KANK1: variants seen among roughly 807,000 people sequenced by gnomAD.
KANK1 encodes KN motif and ankyrin repeat domain-containing protein 1.
In KANK1, 109 loss-of-function variants were observed where a neutral mutation model predicts 106.2. That is an observed-to-expected ratio of 1.03 (90% confidence interval 0.88 to 1.20). The LOEUF (loss-of-function observed/expected upper bound fraction) is 1.20. Ranked by LOEUF, KANK1 falls within the 50% of genes most tolerant of loss-of-function variation. The pLI, the probability that KANK1 is intolerant of heterozygous loss-of-function variation, is 0.00. For synonymous variants in KANK1, 873 were observed against 652.2 expected, an observed-to-expected ratio of 1.34 and a Z score of -5.16; for missense variants, 2,399 against 1,710.7, an observed-to-expected ratio of 1.40 and a Z score of -7.10.
chr9:707,151 G>T (rs1470107359), intron 2 of KANK1: 39 of 985,454 alleles, frequency 4.0e-5, no homozygotes, highest in Non-Finnish European at 4.3e-5. Context: ...CTCCTCACGG[G>T]GTGAGGATCG....
chr9:715,838 T>A (rs1412115743), intron 3 of KANK1, among the ~76,000 whole-genome samples: 1 of 152,214 alleles, frequency 6.6e-6, no homozygotes, highest in African/African-American at 2.4e-5. Context: ...ACGCAGAGTA[T>A]TCCATTTTTG....
chr9:606,083 A>G lies in KANK1; in HGVS notation c.-83-70807A>G, dbSNP rs1829034668. ...CATGTCTTCCCTTCTGAAAAATTATAGGGGAAGAAAAACCATAGAACTTTC... is the reference window on the plus strand; with the variant it reads ...CATGTCTTCCCTTCTGAAAAATTATGGGGGAAGAAAAACCATAGAACTTTC... On this transcript the variant is annotated intron_variant, in intron 1 of 11. Transcript: ENST00000382297. Among the ~76,000 whole-genome samples the G allele has an allele frequency of 5.9e-5, 9 of 151,278 alleles. No homozygotes were observed. The South Asian group carries it at 1.9e-3, about 31-fold the overall frequency.
At chr9:631,371 T>G (rs1835696044) in intron 1 of KANK1, among the ~76,000 whole-genome samples, 1 of 152,180 alleles carries the variant, frequency 6.6e-6, no homozygotes, top group Non-Finnish European at 1.5e-5. Flanking sequence ...ATAGTCTCCT[T>G]GGCATTCCAT....
intron 1 of KANK1, among the ~76,000 whole-genome samples, chr9:571,840 A>T (rs1242791143): frequency 6.6e-6 from 1 of 152,192 alleles, no homozygotes; most frequent in Non-Finnish European, 1.5e-5. Context: ...AGAGAAAAAT[A>T]TGGGTTTATA....
intron 2 of KANK1, chr9:686,954 C>G (rs149693109): frequency 4.1e-6 from 4 of 984,502 alleles, no homozygotes; most frequent in Non-Finnish European, 4.8e-6. Flanking sequence ...GGCTTTTCCT[C>G]TGGGCTCTTA....
chr9:558,261 A>T (rs527403864), intron 1 of KANK1, among the ~76,000 whole-genome samples: 2 of 152,330 alleles, frequency 1.3e-5, no homozygotes, highest in South Asian at 4.1e-4. Context: ...ACTGCAGGAA[A>T]TAGGGGAAAT....
intron 1 of KANK1, among the ~76,000 whole-genome samples, chr9:602,472 A>G (rs942339070): frequency 6.6e-6 from 1 of 151,654 alleles, no homozygotes; most frequent in African/African-American, 2.4e-5. Context: ...GTTGGCCAGG[A>G]TGGTCTCAAT....
At chr9:575,259 T>C (rs1043865487) in intron 1 of KANK1, among the ~76,000 whole-genome samples, 6 of 152,254 alleles carry the variant, frequency 3.9e-5, no homozygotes, top group African/African-American at 9.6e-5. Context: ...GCTCCACTTA[T>C]ATCTGTAAAG....
At position 504,767 on chromosome 9, in the gene KANK1, G is replaced by T. The variant is rs1270825498; in HGVS notation, c.-84+13G>T. ...GGAGCGGCCGAAGGTGAGTGACGCG[G>T]CGGGGCCGTGCCGCGCCCCGTGCCG... On this transcript the variant is annotated intron_variant, in intron 1 of 11. Transcript: ENST00000382297. 1 of 32,240 alleles carries T rather than the reference G, an allele frequency of 3.1e-5. No homozygotes were observed. The highest frequency in any genetic ancestry group is 6.1e-5 in the Non-Finnish European group (1 of 16,392). 2.0% of individuals were successfully genotyped at this position (32,240 alleles called of 1,614,324 possible).
chr9:595,142 G>T (rs2135674186), intron 1 of KANK1, among the ~76,000 whole-genome samples: 1 of 151,956 alleles, frequency 6.6e-6, no homozygotes, highest in South Asian at 2.1e-4. Context: ...GGCCCGGCAT[G>T]GTGGCACATG....
chr9:540,951 A>G (rs1028471886), intron 1 of KANK1, among the ~76,000 whole-genome samples: 2 of 152,100 alleles, frequency 1.3e-5, no homozygotes, highest in African/African-American at 4.8e-5. Context: ...TGGTTTCATT[A>G]ATGTTCATTT....
intron 10 of KANK1, among the ~76,000 whole-genome samples, chr9:743,741 A>AGTCTCAGATACCGTG (rs1368112099): frequency 6.6e-6 from 1 of 152,142 alleles, no homozygotes; most frequent in Non-Finnish European, 1.5e-5. Flanking sequence ...ATGCACCTGT[A>AGTCTCAGATACCGTG]GTCTCAGATA....
chr9:681,244 A>G (rs1387490367), intron 2 of KANK1, among the ~76,000 whole-genome samples: 2 of 152,178 alleles, frequency 1.3e-5, no homozygotes, highest in African/African-American at 2.4e-5. Context: ...AAAACATTTT[A>G]TTATGGTACT....
rs35296364 is a variant in KANK1, at chr9:525,350, CGTGTGTGT to C, written c.-84+20623_-84+20630del. Among the ~76,000 whole-genome samples the C allele has an allele frequency of 4.3e-4, 60 of 140,558 alleles. No homozygotes were observed. The East Asian group carries it at 6.2e-3, about 15-fold the overall frequency. The allele number at this position is 140,558 out of a possible 152,430, so 92.2% of individuals were successfully genotyped here. A position where few individuals can be genotyped will look rare whatever the true frequency, so the allele number is the denominator to read the frequency against. On this transcript the variant is annotated intron_variant, in intron 1 of 11. Transcript: ENST00000382297. ...ATTTCTGACAGAATATGTATACATACGTGTGTGTGTGTGTGTGTGTGTGTGTGTGTGTG... is the reference window on the plus strand; with the variant it reads ...ATTTCTGACAGAATATGTATACATACGTGTGTGTGTGTGTGTGTGTGTGTG...
chr9:594,943 T>G (rs1331022589), intron 1 of KANK1, among the ~76,000 whole-genome samples: 1 of 151,862 alleles, frequency 6.6e-6, no homozygotes, highest in African/African-American at 2.4e-5. Flanking sequence ...AACAAAGATA[T>G]GTAGATACTT....
intron 1 of KANK1, among the ~76,000 whole-genome samples, chr9:558,112 A>G (rs1815347398): frequency 6.6e-6 from 1 of 152,216 alleles, no homozygotes; most frequent in Non-Finnish European, 1.5e-5. Context: ...AAACCAGTGT[A>G]GAATGGGCAG....
intron 1 of KANK1, among the ~76,000 whole-genome samples, chr9:506,565 C>T (rs1215907243): frequency 1.3e-5 from 2 of 151,536 alleles, no homozygotes; most frequent in African/African-American, 4.9e-5. Flanking sequence ...CGTGCGCGCT[C>T]GGCAGGGAAT....
At chr9:523,584 T>G (rs2059647126) in intron 1 of KANK1, among the ~76,000 whole-genome samples, 2 of 151,732 alleles carry the variant, frequency 1.3e-5, no homozygotes, top group Non-Finnish European at 2.9e-5. Context: ...CCTTGCCCGG[T>G]CCCTTGTTAT....
exon 2 of KANK1, chr9:470,641 C>T (rs1194089835): frequency 6.6e-6 from 1 of 152,450 alleles, no homozygotes; most frequent in Non-Finnish European, 1.5e-5. Flanking sequence ...AGCACCGCCA[C>T]TCCAGTGGGA....
Sources: gnomAD v4.1 joint callset for allele counts (sites outside exome capture counted in the v4.1 genomes callset) on GRCh38, gnomAD v4.1.1 for gene constraint, MANE v1.5 for transcripts, NCBI Gene and HGNC (gene_info 2026-07-23, HGNC 2026-07-21) for gene names.